The following ERP44 variants were observed in gnomAD, a reference collection of about 807,000 sequenced individuals.
ERP44 encodes endoplasmic reticulum protein 44, also known as endoplasmic reticulum resident protein 44.
In ERP44, 25 loss-of-function variants were observed where a neutral mutation model predicts 53.4. The observed-to-expected ratio is 0.47, with a 90% CI of 0.34 to 0.65. The LOEUF is 0.65. ERP44 is among the 30% of genes least tolerant of loss of function. The probability of loss-of-function intolerance (pLI) is 0.01; values close to 1 mark genes in which losing one functional copy is unlikely to be tolerated. For synonymous variants in ERP44, 145 were observed against 161.2 expected (o/e 0.90, Z 0.76); for missense variants, 338 against 493.2 (o/e 0.69, Z 2.98).
intron 9 of ERP44, 84 bp downstream of exon 9, chr9:100,007,494 A>G: frequency 1.3e-6 from 1 of 743,256 alleles, no homozygotes; most frequent in South Asian, 1.5e-5. Flanking sequence ...ATGTGATTTG[A>G]CAGAAATGGG....
At chr9:100,056,564 C>T (rs1207702875) in intron 3 of ERP44, among the ~76,000 whole-genome samples, 1 of 152,010 alleles carries the variant, frequency 6.6e-6, no homozygotes, top group African/African-American at 2.4e-5. Flanking sequence ...TGGGTGTTAC[C>T]GGAAATAACA....
chr9:100,061,995 T>A (rs1395793042), intron 1 of ERP44, among the ~76,000 whole-genome samples: 3 of 152,148 alleles, frequency 2.0e-5, no homozygotes, highest in African/African-American at 4.8e-5. Context: ...CATAAAATAA[T>A]TCTCTGACAT....
chr9:100,076,366 C>T (rs972502506), intron 1 of ERP44, among the ~76,000 whole-genome samples: 1 of 152,210 alleles, frequency 6.6e-6, no homozygotes, highest in African/African-American at 2.4e-5. Flanking sequence ...TCTTCCCCAA[C>T]CTGCACCAAT....
intron 1 of ERP44, among the ~76,000 whole-genome samples, chr9:100,064,878 G>C (rs1456446698): frequency 6.6e-6 from 1 of 152,150 alleles, no homozygotes; most frequent in Non-Finnish European, 1.5e-5. Flanking sequence ...TATAAAGAAA[G>C]ATGTTTTTGT....
rs1257829615 is a variant in ERP44 at position 99,999,123 on chromosome 9, G to A, written c.1016+7383C>T. ...GGCGGGGCGTGGACACGGCGCACCT[G>A]AGGCACAGTGTACCGCGCTGGGAGG... On this transcript the variant is annotated intron_variant, in intron 10 of 11. Transcript: ENST00000262455. 6.5e-6 allele frequency: 4 copies of A among 619,638 alleles called. No individual in the cohort carries two copies. The East Asian group carries it at 8.6e-5, about 13-fold the overall frequency. 38.4% of individuals were successfully genotyped at this position (619,638 alleles called of 1,614,324 possible). A position where few individuals can be genotyped will look rare whatever the true frequency, so the allele number is the denominator to read the frequency against.
In ERP44 at chr9:100,044,721, C is replaced by T. The variant is rs189114177; in HGVS notation, c.286+7696G>A. Among the ~76,000 whole-genome samples, 484 of 152,236 alleles carry T rather than the reference C, an allele frequency of 3.2e-3. 1 individual carries two copies. Among genetic ancestry groups the T allele is most frequent in the Middle Eastern group, 6.8e-3 (2 of 294 alleles). The stretch of plus-strand genomic sequence containing the variant: ...TCTTACACATACTTTTTCAAAAACT[C>T]CAAGGAAGTAAGGCGCTCCTAGCTT... On this transcript the variant is annotated intron_variant, in intron 4 of 11. Transcript: ENST00000262455.
At chr9:100,052,615 A>T in intron 3 of ERP44, 83 bp from the exon 4 acceptor site, 31 of 649,060 alleles carry the variant, frequency 4.8e-5, no homozygotes, top group Middle Eastern at 2.7e-4. Context: ...CTGACATTTG[A>T]TATAGGCATA....
chr9:100,057,519 C>T (rs557278587), intron 3 of ERP44, among the ~76,000 whole-genome samples: 19 of 152,306 alleles, frequency 1.2e-4, no homozygotes, highest in Non-Finnish European at 2.2e-4. Context: ...CCTTCTTCCA[C>T]AGTCAGGACA....
intron 4 of ERP44, among the ~76,000 whole-genome samples, chr9:100,045,466 G>T (rs750728244): frequency 2.6e-5 from 4 of 152,058 alleles, no homozygotes; most frequent in Non-Finnish European, 5.9e-5. Flanking sequence ...TTTTTTTGTT[G>T]TTAAATGAAT....
intron 10 of ERP44, among the ~76,000 whole-genome samples, chr9:99,991,704 C>A (rs1219730489): frequency 6.6e-6 from 1 of 151,844 alleles, no homozygotes; most frequent in Non-Finnish European, 1.5e-5. Flanking sequence ...AAAACCCCTT[C>A]AAAAAAATCA....
intron 1 of ERP44, among the ~76,000 whole-genome samples, chr9:100,090,150 T>C (rs1210937061): frequency 2.6e-5 from 4 of 152,218 alleles, no homozygotes; most frequent in Non-Finnish European, 5.9e-5. Context: ...TAAGAAATTA[T>C]TTTGACTAGC....
intron 10 of ERP44, chr9:99,998,526 T>G: frequency 1.4e-6 from 1 of 719,482 alleles, no homozygotes; most frequent in Non-Finnish European, 2.6e-6. Flanking sequence ...CTCCCCCATC[T>G]CTGCTAATCT....
chr9:100,074,867 G>T (rs1826339410), intron 1 of ERP44, among the ~76,000 whole-genome samples: 1 of 152,248 alleles, frequency 6.6e-6, no homozygotes, highest in East Asian at 1.9e-4. Context: ...CTTACAGAGG[G>T]TCCAGTGGGT....
chr9:100,061,398 T>G (rs1826146821), intron 1 of ERP44, among the ~76,000 whole-genome samples: 1 of 151,058 alleles, frequency 6.6e-6, no homozygotes, highest in Non-Finnish European at 1.5e-5. Flanking sequence ...GAGCTGAGAT[T>G]GCACCACTGC....
At chr9:100,007,521 G>C (rs1294980787) in intron 9 of ERP44, 57 bp downstream of exon 9, 1 of 902,886 alleles carries the variant, frequency 1.1e-6, no homozygotes, top group Middle Eastern at 3.1e-4. Flanking sequence ...GATGATGAAA[G>C]GGAAAAAAAG....
chr9:100,012,234 T>G (rs935540250), intron 8 of ERP44, among the ~76,000 whole-genome samples: 2 of 152,218 alleles, frequency 1.3e-5, no homozygotes, highest in South Asian at 4.1e-4. Context: ...GGCATTGCAT[T>G]AAGATATGCA....
intron 8 of ERP44, among the ~76,000 whole-genome samples, chr9:100,012,250 TTTGCATATCTATTGCAATATCTA>T (rs1360874629): frequency 6.6e-6 from 1 of 152,234 alleles, no homozygotes; most frequent in Non-Finnish European, 1.5e-5. Context: ...ATGCAATGAA[TTTGCATATCTATTGCAATATCTA>T]TTGCATATCT....
At chr9:100,047,245 G>C (rs1486615922) in intron 4 of ERP44, among the ~76,000 whole-genome samples, 1 of 152,138 alleles carries the variant, frequency 6.6e-6, no homozygotes, top group African/African-American at 2.4e-5. Flanking sequence ...CTGACAGTAA[G>C]ACTGCACCAA....
chr9:100,033,503 C>T (rs1564094217), intron 4 of ERP44, among the ~76,000 whole-genome samples: 1 of 152,186 alleles, frequency 6.6e-6, no homozygotes, highest in Non-Finnish European at 1.5e-5. Context: ...CCTGAGATTC[C>T]TTCTATGAAA....
Sources: allele counts gnomAD v4.1 joint callset (sites outside exome capture counted in the v4.1 genomes callset), GRCh38; gene constraint gnomAD v4.1.1; transcripts MANE v1.5; gene names NCBI Gene and HGNC (gene_info 2026-07-23, HGNC 2026-07-21).